OXSR1: variants seen among roughly 807,000 people sequenced by gnomAD.
The protein encoded by OXSR1 is oxidative stress responsive kinase 1.
OXSR1 carries 24 observed loss-of-function variants against 79.8 expected under a neutral mutation model. The observed-to-expected ratio is 0.30, with a 90% CI of 0.22 to 0.42. OXSR1 has a LOEUF of 0.42. Ranked by LOEUF, OXSR1 falls within the 10% of genes least tolerant of loss-of-function variation. The probability of loss-of-function intolerance (pLI) is 1.00; values close to 1 mark genes in which losing one functional copy is unlikely to be tolerated. For synonymous variants in OXSR1, 226 were observed against 209.2 expected (o/e 1.08, Z -0.69); for missense variants, 430 against 618.4 (o/e 0.70, Z 3.23).
chr3:38,221,483 T>A, intron 5 of OXSR1, 95 bp from the exon 6 acceptor site: 1 of 652,638 alleles, frequency 1.5e-6, no homozygotes, highest in Non-Finnish European at 2.7e-6. Context: ...ATGCTTTTTA[T>A]TTATATATAG....
intron 2 of OXSR1, 123 bp from the exon 3 acceptor site, chr3:38,190,608 G>T (rs1257655774): frequency 3.2e-6 from 2 of 620,728 alleles, no homozygotes; most frequent in Non-Finnish European, 5.7e-6. Flanking sequence ...GAAGAAATCA[G>T]AGCCATGGAG....
rs1702583353 is a variant in OXSR1, at chr3:38,221,220, GAGA to G, written c.491-354_491-352del. On this transcript the variant is annotated intron_variant, in intron 5 of 17. Coordinates refer to ENST00000311806, the MANE Select transcript of OXSR1 (RefSeq NM_005109.3). ...TGGATTAGAGCAAGGGGGAAAATCT[GAGA>G]AGATGATGATATGTGGGGGTGGAGA... Among the ~76,000 whole-genome samples the G allele has an allele frequency of 2.0e-5, 3 of 152,046 alleles. No homozygotes were observed. In the South Asian group the frequency reaches 6.2e-4, roughly 32 times the overall value.
At chr3:38,215,146 T>A (rs1702458227) in intron 4 of OXSR1, among the ~76,000 whole-genome samples, 1 of 152,246 alleles carries the variant, frequency 6.6e-6, no homozygotes, top group South Asian at 2.1e-4. Context: ...GCAACATTAA[T>A]GGTGTCATGA....
rs186194359 is a variant in OXSR1 at position 38,202,114 on chromosome 3, A to T, written c.434+3251A>T. ...TAGTTGAATAGTTATCTCGAAAGAT[A>T]GGAGAGTGGGGTGTCTGAATTAGTA... On this transcript the variant is annotated intron_variant, in intron 4 of 17. Coordinates refer to ENST00000311806, the MANE Select transcript of OXSR1 (RefSeq NM_005109.3). Among the ~76,000 whole-genome samples, 72 of 152,336 alleles carry T rather than the reference A, an allele frequency of 4.7e-4. 2 individuals carry two copies. The East Asian group carries it at 0.014, about 29-fold the overall frequency.
At chr3:38,226,855 A>C (rs1027322689) in intron 8 of OXSR1, among the ~76,000 whole-genome samples, 2 of 151,728 alleles carry the variant, frequency 1.3e-5, no homozygotes, top group African/African-American at 4.8e-5. Context: ...CAGAAAAAGG[A>C]CATTAGTGGA....
intron 11 of OXSR1, among the ~76,000 whole-genome samples, chr3:38,242,398 T>C (rs2125850938): frequency 6.6e-6 from 1 of 152,356 alleles, no homozygotes; most frequent in East Asian, 1.9e-4. Context: ...AGGTTTGGTC[T>C]GGGATCTTAT....
In OXSR1 at chr3:38,247,856, TTGG is replaced by T. The variant is rs1249705190; in HGVS notation, c.1322+130_1322+132del. On this transcript the variant is annotated intron_variant, in intron 14 of 17. Coordinates refer to ENST00000311806, the MANE Select transcript of OXSR1 (RefSeq NM_005109.3). ...TCCTCCAGCATCAAGCTCTGTTTGC[TTGG>T]TGGTGTATTATTTTTCCCCAGAAAT... 11 of 599,912 alleles carry T rather than the reference TTGG, an allele frequency of 1.8e-5. No homozygotes were observed. The East Asian group carries it at 2.2e-4, about 12-fold the overall frequency. The allele number at this position is 599,912 out of a possible 1,614,324, so 37.2% of individuals were successfully genotyped here.
chr3:38,231,503 G>A (rs956615766), intron 10 of OXSR1, among the ~76,000 whole-genome samples: 3 of 151,988 alleles, frequency 2.0e-5, no homozygotes. Flanking sequence ...CCTTTCCTCA[G>A]AATAATATTC....
At chr3:38,205,348 G>A (rs139517737) in intron 4 of OXSR1, among the ~76,000 whole-genome samples, 1 of 152,334 alleles carries the variant, frequency 6.6e-6, no homozygotes, top group African/African-American at 2.4e-5. Context: ...GGAGGGTTCT[G>A]TTTGGCTATC....
At chr3:38,172,263 T>TC (rs1701596345) in intron 1 of OXSR1, among the ~76,000 whole-genome samples, 1 of 152,182 alleles carries the variant, frequency 6.6e-6, no homozygotes, top group East Asian at 1.9e-4. Context: ...TCTTTTTTTT[T>TC]CTTAGTCCAG....
intron 1 of OXSR1, among the ~76,000 whole-genome samples, chr3:38,172,563 A>G (rs750991008): frequency 1.2e-4 from 19 of 152,088 alleles, no homozygotes; most frequent in Non-Finnish European, 2.4e-4. Flanking sequence ...TTTTATTTTC[A>G]TTGATTGTTT....
intron 4 of OXSR1, among the ~76,000 whole-genome samples, chr3:38,201,569 G>A (rs1702164798): frequency 6.6e-6 from 1 of 152,152 alleles, no homozygotes; most frequent in Non-Finnish European, 1.5e-5. Flanking sequence ...AATTAGCTGG[G>A]TGTGGTGGTG....
chr3:38,244,833 G>A (rs9838128), intron 12 of OXSR1, among the ~76,000 whole-genome samples: 20,702 of 151,986 alleles, frequency 0.14, 1,804 homozygotes, highest in Middle Eastern at 0.27. Context: ...ATTGCTGGGT[G>A]TATGGTACTT....
At chr3:38,207,662 CCA>C (rs1162877768) in intron 4 of OXSR1, among the ~76,000 whole-genome samples, 1 of 152,014 alleles carries the variant, frequency 6.6e-6, no homozygotes, top group Admixed American at 6.5e-5. Context: ...ATTACCCAGC[CCA>C]AATATCAGTA....
At chr3:38,252,609 T>C (rs1185242908) in intron 17 of OXSR1, among the ~76,000 whole-genome samples, 1 of 152,166 alleles carries the variant, frequency 6.6e-6, no homozygotes, top group African/African-American at 2.4e-5. Flanking sequence ...CCCTTGGCTA[T>C]TCATAAGAGA....
chr3:38,247,939 A>C (rs1050455756), intron 14 of OXSR1, among the ~76,000 whole-genome samples: 1 of 152,130 alleles, frequency 6.6e-6, no homozygotes, highest in Admixed American at 6.6e-5. Context: ...TAACTGATGC[A>C]CATGTTCTCT....
At chr3:38,250,095 C>G in intron 15 of OXSR1, 77 bp downstream of exon 15, 2 of 1,041,038 alleles carry the variant, frequency 1.9e-6, no homozygotes, top group Non-Finnish European at 2.9e-6. Context: ...AGTTTCTGTC[C>G]TTTGTGAAGT....
intron 2 of OXSR1, among the ~76,000 whole-genome samples, chr3:38,188,092 T>C (rs1417679752): frequency 6.6e-6 from 1 of 152,210 alleles, no homozygotes. Flanking sequence ...TTTAAGCCCC[T>C]TTTCATCTTT....
At position 38,229,667 on chromosome 3, in the gene OXSR1, C is replaced by G. The variant is rs1375716575; in HGVS notation, c.837-20C>G. The G allele has an allele frequency of 6.2e-7, 1 of 1,601,802 alleles. No individual in the cohort carries two copies. Among genetic ancestry groups the G allele is most frequent in the South Asian group, 1.1e-5 (1 of 89,716 alleles). On this transcript the variant is annotated intron_variant, in intron 8 of 17. Transcript: ENST00000311806. The stretch of plus-strand genomic sequence containing the variant: ...TGAATTAATTATAAAAACTTTTCTT[C>G]CCTCCCTTCCTGGTTTTAGACCAAC...
Sources: allele counts gnomAD v4.1 joint callset (sites outside exome capture counted in the v4.1 genomes callset), GRCh38; gene constraint gnomAD v4.1.1; transcripts MANE v1.5; gene names NCBI Gene and HGNC (gene_info 2026-07-23, HGNC 2026-07-21).